Variants in ST7 observed in about 807,000 individuals in gnomAD.
ST7 encodes suppressor of tumorigenicity 7 protein.
Under a neutral mutation model 78.7 loss-of-function variants are expected in ST7, and 28 were observed. The observed-to-expected ratio is 0.36, with a 90% CI of 0.26 to 0.49. ST7 has a LOEUF of 0.49. Among genes scored for constraint, ST7 ranks in the 20% least tolerant of loss-of-function variants. ST7 has a pLI of 0.99. For synonymous variants in ST7, 247 were observed against 249.6 expected (o/e 0.99, Z 0.10); for missense variants, 418 against 696.0 (o/e 0.60, Z 4.49).
At chr7:117,093,404 A>G (rs1446492861) in intron 1 of ST7, among the ~76,000 whole-genome samples, 1 of 152,232 alleles carries the variant, frequency 6.6e-6, no homozygotes, top group Non-Finnish European at 1.5e-5. Context: ...CTATAGTAAT[A>G]TAAGATGCCA....
chr7:117,063,131 A>C (rs1235778636), intron 1 of ST7, among the ~76,000 whole-genome samples: 7 of 152,172 alleles, frequency 4.6e-5, no homozygotes, highest in South Asian at 2.1e-4. Flanking sequence ...TGGAAATAGA[A>C]TCTTGTTTGC....
chr7:116,992,276 G>T (rs768307677), intron 1 of ST7, among the ~76,000 whole-genome samples: 1 of 152,228 alleles, frequency 6.6e-6, no homozygotes, highest in African/African-American at 2.4e-5. Context: ...CCTAGCAGAG[G>T]TTCTCCATGA....
rs1451629781 is a variant in ST7, at chr7:117,078,447, A to G, written c.152-21315A>G. Among the ~76,000 whole-genome samples the G allele has an allele frequency of 2.0e-5, 3 of 152,258 alleles. No individual in the cohort carries two copies. The East Asian group carries it at 5.8e-4, about 29-fold the overall frequency. On this transcript the variant is annotated intron_variant, in intron 1 of 15. Transcript: ENST00000323984. ...TGAATAGCATGTATTTGGTTATCATATAAGCATTGTGAATCCAAGTTAACA... is the reference window on the plus strand; with the variant it reads ...TGAATAGCATGTATTTGGTTATCATGTAAGCATTGTGAATCCAAGTTAACA...
intron 2 of ST7, among the ~76,000 whole-genome samples, chr7:117,102,613 C>T (rs1244545690): frequency 6.6e-6 from 1 of 151,958 alleles, no homozygotes; most frequent in African/African-American, 2.4e-5. Flanking sequence ...CATTAGGAGG[C>T]AATATACTTA....
At chr7:117,147,477 A>G (rs1211671833) in intron 9 of ST7, among the ~76,000 whole-genome samples, 1 of 151,926 alleles carries the variant, frequency 6.6e-6, no homozygotes, top group African/African-American at 2.4e-5. Flanking sequence ...TAATATACAT[A>G]TTTATATATT....
At chr7:116,960,194 G>A (rs1258028066) in intron 1 of ST7, among the ~76,000 whole-genome samples, 1 of 149,042 alleles carries the variant, frequency 6.7e-6, no homozygotes, top group East Asian at 2.0e-4. Context: ...TTTTTGTTTT[G>A]TTTTTTTGTT....
rs971447644 is a variant in ST7, at chr7:117,222,007, T to C, written c.1583T>C (p.Met528Thr). The change falls in exon 15 of 16, where the codon ATG (methionine) becomes ACG (threonine). Residue 528 changes from methionine to threonine, a missense_variant. Transcript: ENST00000323984. ...GCTGGATTATGTTCCTTCACAGCCATGCTGGCCCTCCTGACACATCAGTTC... is the reference window on the plus strand; with the variant it reads ...GCTGGATTATGTTCCTTCACAGCCACGCTGGCCCTCCTGACACATCAGTTC... ...FTAGLCSFTA[M>T]LALLTHQFPE... The C allele has an allele frequency of 6.2e-7, 1 of 1,613,120 alleles. No homozygotes were observed. Among genetic ancestry groups the C allele is most frequent in the East Asian group, 2.2e-5 (1 of 44,744 alleles).
chr7:117,221,368 C>G (rs1563179977), intron 14 of ST7, among the ~76,000 whole-genome samples: 1 of 152,006 alleles, frequency 6.6e-6, no homozygotes, highest in African/African-American at 2.4e-5. Flanking sequence ...ATGTGAGGTC[C>G]TTGCTGGATA....
chr7:117,132,435 T>TA lies in ST7; in HGVS notation c.641+478dup, dbSNP rs982324216. ...GAGGAAATGCTGTCTTGAGTGTTGTTAAACATTCTGTGGGTTACCAAGGAA... is the reference window on the plus strand; with the variant it reads ...GAGGAAATGCTGTCTTGAGTGTTGTTAAAACATTCTGTGGGTTACCAAGGAA... On this transcript the variant is annotated intron_variant, in intron 6 of 15. Transcript: ENST00000323984. Among the ~76,000 whole-genome samples the TA allele has an allele frequency of 7.2e-5, 11 of 151,950 alleles. No individual in the cohort carries two copies. In the East Asian group the frequency reaches 9.7e-4, roughly 13 times the overall value.
chr7:117,136,621 T>C (rs1444201022), intron 8 of ST7: 1 of 346,906 alleles, frequency 2.9e-6, no homozygotes, highest in African/African-American at 2.1e-5. Flanking sequence ...AGGTTTTATC[T>C]TATAGATCTT....
At chr7:117,031,989 C>T (rs1267643543) in intron 1 of ST7, among the ~76,000 whole-genome samples, 3 of 150,608 alleles carry the variant, frequency 2.0e-5, no homozygotes, top group South Asian at 2.1e-4. Flanking sequence ...TCAAGCAATT[C>T]TCCTGCCTCA....
At chr7:117,039,865 G>A (rs1479400443) in intron 1 of ST7, among the ~76,000 whole-genome samples, 3 of 152,046 alleles carry the variant, frequency 2.0e-5, no homozygotes, top group Non-Finnish European at 2.9e-5. Context: ...TTCTGTAGTC[G>A]CAAATCAGAC....
intron 1 of ST7, among the ~76,000 whole-genome samples, chr7:117,071,335 T>C (rs1475303996): frequency 6.6e-6 from 1 of 152,220 alleles, no homozygotes; most frequent in Non-Finnish European, 1.5e-5. Flanking sequence ...GCATTCAGCA[T>C]ATCCAAATGT....
chr7:117,093,179 A>C (rs1396694258), intron 1 of ST7, among the ~76,000 whole-genome samples: 2 of 152,204 alleles, frequency 1.3e-5, no homozygotes, highest in African/African-American at 2.4e-5. Context: ...TAGAATCCAG[A>C]TAAAAGGACC....
chr7:117,195,217 G>A (rs1810195765), intron 12 of ST7, among the ~76,000 whole-genome samples: 1 of 151,478 alleles, frequency 6.6e-6, no homozygotes, highest in Non-Finnish European at 1.5e-5. Context: ...GGGTATATTT[G>A]TTTCTGAGGG....
chr7:116,961,183 A>G lies in ST7; in HGVS notation c.151+7492A>G, dbSNP rs549517128. Among the ~76,000 whole-genome samples, 5 of 152,232 alleles carry G rather than the reference A, an allele frequency of 3.3e-5. No homozygotes were observed. In the East Asian group the frequency reaches 9.7e-4, roughly 29 times the overall value. ...CATTGGTCTATGTGTCTGTTTTTGT[A>G]CCAGTATCATGCTGTTTTGGTTACT... On this transcript the variant is annotated intron_variant, in intron 1 of 15. Transcript: ENST00000323984.
At chr7:117,105,903 A>G (rs922883413) in intron 2 of ST7, among the ~76,000 whole-genome samples, 1 of 152,222 alleles carries the variant, frequency 6.6e-6, no homozygotes, top group Admixed American at 6.5e-5. Flanking sequence ...TAGGACTTTG[A>G]TCATTCATCC....
chr7:117,214,467 A>G (rs1224078290), intron 13 of ST7, among the ~76,000 whole-genome samples: 2 of 152,194 alleles, frequency 1.3e-5, no homozygotes, highest in Non-Finnish European at 2.9e-5. Context: ...TGCTCACTGT[A>G]AGATGTGGTT....
intron 8 of ST7, chr7:117,137,419 T>G (rs1804884265): frequency 6.6e-6 from 1 of 152,182 alleles, no homozygotes; most frequent in Non-Finnish European, 1.5e-5. Context: ...AAATGTGTAT[T>G]TTGTGAACTA....
Sources: gnomAD v4.1 joint callset for allele counts (sites outside exome capture counted in the v4.1 genomes callset) on GRCh38, gnomAD v4.1.1 for gene constraint, MANE v1.5 for transcripts, NCBI Gene and HGNC (gene_info 2026-07-23, HGNC 2026-07-21) for gene names.